The following KIF26A variants were observed in gnomAD, a reference collection of about 807,000 sequenced individuals.
KIF26A encodes the protein kinesin-like protein KIF26A.
A neutral mutation model predicts 126.0 loss-of-function variants in KIF26A; 74 were observed. The ratio of observed to expected loss-of-function variants is 0.59; its 90% CI spans 0.49 to 0.71. The LOEUF is 0.71. KIF26A is among the 30% of genes least tolerant of loss of function. The pLI, the probability that KIF26A is intolerant of heterozygous loss-of-function variation, is 0.00. For synonymous variants in KIF26A, 1,445 were observed against 1,232.7 expected (o/e 1.17, Z -3.61); for missense variants, 2,984 against 2,763.3 (o/e 1.08, Z -1.79).
chr14:104,175,550 G>T lies in KIF26A; in HGVS notation c.2762G>T (p.Gly921Val). The T allele has an allele frequency of 3.7e-6, 6 of 1,604,164 alleles. No individual in the cohort carries two copies. Among genetic ancestry groups the T allele is most frequent in the Non-Finnish European group, 4.2e-6 (5 of 1,179,106 alleles). ...GAGCCCTGCAAGGCCATTGTCTGGGGTGACCAGAGAGAGGACAGCAGCGCT... is the reference window on the plus strand; with the variant it reads ...GAGCCCTGCAAGGCCATTGTCTGGGTTGACCAGAGAGAGGACAGCAGCGCT... ...TPEPCKAIVWGDQREDSSAWP... is the reference protein window; with the variant it reads ...TPEPCKAIVWVDQREDSSAWP... Residue 921 changes from glycine (G) to valine (V), a missense_variant, in exon 12 of 15, where the codon GGT (glycine) becomes GTT (valine). Gly to Val is a moderately radical substitution (Grantham distance 109, BLOSUM62 -3). Coordinates refer to ENST00000423312, the MANE Select transcript of KIF26A (RefSeq NM_015656.2).
At position 104,175,743 on chromosome 14, in the gene KIF26A, T is replaced by G; in HGVS notation, c.2955T>G (p.Ser985Arg). The change falls in exon 12 of 15, where the codon AGT becomes AGG. Residue 985 changes from serine to arginine, a missense_variant. Physicochemically the swap from Ser to Arg is moderately radical, Grantham distance 110. Coordinates refer to ENST00000423312, the MANE Select transcript of KIF26A (RefSeq NM_015656.2). Reference protein sequence around the residue: ...GVARTPPVGMSGQVAGSPMLP... With the variant: ...GVARTPPVGMRGQVAGSPMLP... Reference sequence around the variant, plus strand: ...CACGGACCCCTCCCGTGGGCATGAGTGGGCAGGTGGCTGGGTCCCCGATGC... The same window carrying G: ...CACGGACCCCTCCCGTGGGCATGAGGGGGCAGGTGGCTGGGTCCCCGATGC... The G allele has an allele frequency of 1.3e-6, 2 of 1,550,124 alleles. No homozygotes were observed. The highest frequency in any genetic ancestry group is 1.7e-6 in the Non-Finnish European group (2 of 1,149,956).
At chr14:104,165,547 GTGTGTGTGTCTGTGTGTTTCTGTATGCA>G (rs1212767687) in intron 4 of KIF26A, among the ~76,000 whole-genome samples, 3 of 141,274 alleles carry the variant, frequency 2.1e-5, no homozygotes, top group Non-Finnish European at 3.1e-5. Context: ...GTCTATGCGT[GTGTGTGTGTCTGTGTGTTTCTGTATGCA>G]TGTGTGTGTC....
intron 4 of KIF26A, among the ~76,000 whole-genome samples, chr14:104,164,386 G>A (rs1308487589): frequency 6.6e-6 from 1 of 152,224 alleles, no homozygotes; most frequent in African/African-American, 2.4e-5. Flanking sequence ...CTCCTGTTGG[G>A]AGGTGGTGAC....
intron 4 of KIF26A, among the ~76,000 whole-genome samples, chr14:104,163,890 A>G (rs2141105633): frequency 6.6e-6 from 1 of 152,022 alleles, no homozygotes; most frequent in East Asian, 2.0e-4. Flanking sequence ...ACCTGGAACT[A>G]CCGGGGCTTC....
At chr14:104,143,347 G>C (rs966295954) in intron 2 of KIF26A, among the ~76,000 whole-genome samples, 3 of 152,226 alleles carry the variant, frequency 2.0e-5, no homozygotes, top group African/African-American at 7.2e-5. Flanking sequence ...ATGGTCTGAG[G>C]CTGGGAGCCC....
chr14:104,176,579 C>G lies in KIF26A; in HGVS notation c.3791C>G (p.Thr1264Arg). The change falls in exon 12 of 15, where the codon ACA becomes AGA. Residue 1264 changes from threonine (T) to arginine (R), a missense_variant. By Grantham distance (71) the Thr-to-Arg change is moderately conservative. Coordinates refer to ENST00000423312, the MANE Select transcript of KIF26A (RefSeq NM_015656.2). ...AASAGRAPSPTLGSPRLPEAQ... is the reference protein window; with the variant it reads ...AASAGRAPSPRLGSPRLPEAQ... Reference sequence around the variant, plus strand: ...TCTGCTGGCAGGGCCCCCAGCCCCACACTTGGCTCCCCCCGGCTGCCTGAG... The same window carrying G: ...TCTGCTGGCAGGGCCCCCAGCCCCAGACTTGGCTCCCCCCGGCTGCCTGAG... 2 of 1,608,086 alleles carry G rather than the reference C, an allele frequency of 1.2e-6. No individual in the cohort carries two copies. The highest frequency in any genetic ancestry group is 8.5e-7 in the Non-Finnish European group (1 of 1,179,678).
In KIF26A at chr14:104,167,443, C is replaced by A. The variant is rs536089444; in HGVS notation, c.1113+395C>A. Among the ~76,000 whole-genome samples the A allele has an allele frequency of 7.8e-4, 118 of 152,140 alleles. 1 individual carries two copies. Among genetic ancestry groups the A allele is most frequent in the African/African-American group, 2.7e-3 (114 of 41,524 alleles). ...GGGACTCTCTGCTCTCCAGAGTCAC[C>A]GTGTGCAGGCGGGCCCCTGCCATGG... On this transcript the variant is annotated intron_variant, in intron 5 of 14. Coordinates refer to ENST00000423312, the MANE Select transcript of KIF26A (RefSeq NM_015656.2).
rs529602818 is a variant in KIF26A at position 104,175,671 on chromosome 14, C to G, written c.2883C>G (p.Ala961=). The G allele has an allele frequency of 1.2e-6, 2 of 1,607,482 alleles. No individual in the cohort carries two copies. Among genetic ancestry groups the G allele is most frequent in the Admixed American group, 3.4e-5 (2 of 59,424 alleles). The change falls in exon 12 of 15, where the codon GCC becomes GCG. Residue 961 remains alanine (A), a synonymous_variant. Coordinates refer to ENST00000423312, the MANE Select transcript of KIF26A (RefSeq NM_015656.2). ...CCCCACCTCCTCAGTTGCTGGAAGC[C>G]TGCAGAGCCCCAGAAGAGCCTGGGG... The part of the protein sequence containing the change: ...PAPPPPQLLE[A]CRAPEEPGGG...
intron 12 of KIF26A, 35 bp from the exon 13 acceptor site, chr14:104,178,515 C>T (rs1219636669): frequency 7.1e-7 from 1 of 1,410,432 alleles, no homozygotes; most frequent in Non-Finnish European, 9.3e-7. Context: ...CTGGGCCCCG[C>T]CTCTGTTCAC....
At chr14:104,140,785 C>T (rs1284517350) in intron 2 of KIF26A, among the ~76,000 whole-genome samples, 1 of 152,190 alleles carries the variant, frequency 6.6e-6, no homozygotes, top group Admixed American at 6.5e-5. Context: ...GCCTTTGACA[C>T]TGGAAACTCC....
rs1566865814 is a variant in KIF26A, at chr14:104,176,193, CG to C, written c.3406del (p.Asp1136ThrfsTer112). 2 of 1,599,374 alleles carry C rather than the reference CG, an allele frequency of 1.3e-6. No homozygotes were observed. Among genetic ancestry groups the C allele is most frequent in the African/African-American group, 2.7e-5 (2 of 74,620 alleles). ...DPTPQPRFSPDSLAGLDPGGP... is the reference protein window; with the variant it reads ...DPTPQPRFSPXSLAGLDPGGP... The stretch of plus-strand genomic sequence containing the variant: ...CCACGCCGCAGCCCCGCTTCAGCCC[CG>C]ACTCGCTGGCAGGGCTTGACCCTGG... On this transcript the variant is annotated frameshift_variant, in exon 12 of 15. Transcript: ENST00000423312. LOFTEE classifies it high-confidence loss of function.
At chr14:104,178,084 G>A (rs2282376) in intron 12 of KIF26A, among the ~76,000 whole-genome samples, 186 bp downstream of exon 12, 43,120 of 152,192 alleles carry the variant, frequency 0.28, 6,984 homozygotes, top group East Asian at 0.38. Context: ...GGAGGTGCAC[G>A]GCCCTCTGCA....
intron 5 of KIF26A, among the ~76,000 whole-genome samples, chr14:104,170,708 C>T (rs79814670): frequency 0.044 from 6,769 of 152,312 alleles, 192 homozygotes; most frequent in Non-Finnish European, 0.064. Context: ...GGGTCAGAGC[C>T]GCCGCCTCCT....
At chr14:104,161,141 G>A (rs1041797119) in intron 4 of KIF26A, among the ~76,000 whole-genome samples, 22 of 152,360 alleles carry the variant, frequency 1.4e-4, no homozygotes, top group Admixed American at 1.4e-3. Flanking sequence ...GTGGACCACA[G>A]CAGGGCTGGG....
chr14:104,173,444 C>T lies in KIF26A; in HGVS notation c.1798C>T (p.Arg600Cys), dbSNP rs1194085862. 45 of 1,587,262 alleles carry T rather than the reference C, an allele frequency of 2.8e-5. No individual in the cohort carries two copies. Among genetic ancestry groups the T allele is most frequent in the Admixed American group, 5.3e-5 (3 of 56,790 alleles). The change falls in exon 9 of 15, where the codon CGC becomes TGC. Residue 600 changes from arginine to cysteine, a missense_variant. Transcript: ENST00000423312. ...SRAGCGEDARRSSHMLFTLHV... is the reference protein window; with the variant it reads ...SRAGCGEDARCSSHMLFTLHV... ...AGCGGGCTGTGGCGAGGACGCCCGACGCAGCTCCCACATGTTGTTCACGCT... is the reference window on the plus strand; with the variant it reads ...AGCGGGCTGTGGCGAGGACGCCCGATGCAGCTCCCACATGTTGTTCACGCT...
chr14:104,144,378 G>A (rs910046888), intron 2 of KIF26A, among the ~76,000 whole-genome samples: 5 of 152,166 alleles, frequency 3.3e-5, no homozygotes, highest in African/African-American at 1.2e-4. Context: ...ATGGGATTGT[G>A]GCCGCTGGCC....
At position 104,179,255 on chromosome 14, in the gene KIF26A, C is replaced by G. The variant is rs957288029; in HGVS notation, c.5336C>G (p.Thr1779Arg). Residue 1779 changes from threonine (T) to arginine (R), a missense_variant, in exon 14 of 15, where the codon ACA becomes AGA. Physicochemically the swap from Thr to Arg is moderately conservative, Grantham distance 71 (BLOSUM62 -1). Coordinates refer to ENST00000423312, the MANE Select transcript of KIF26A (RefSeq NM_015656.2). ...TCCCAGGGTCTGGCGTGCGTCAGTA[C>G]AAGGCTGCGGCTGGCGGAGCGCAGG... The part of the protein sequence containing the change: ...APTQGLACVS[T>R]RLRLAERRQQ... 1.3e-6 allele frequency: 2 copies of G among 1,521,840 alleles called. No homozygotes were observed. Among genetic ancestry groups the G allele is most frequent in the Non-Finnish European group, 1.8e-6 (2 of 1,139,492 alleles). The allele number at this position is 1,521,840 out of a possible 1,614,324, so 94.3% of individuals were successfully genotyped here.
At chr14:104,159,841 CTG>C (rs890015992) in intron 4 of KIF26A, among the ~76,000 whole-genome samples, 9 of 151,938 alleles carry the variant, frequency 5.9e-5, no homozygotes, top group Non-Finnish European at 1.2e-4. Context: ...GTGACCTCCT[CTG>C]TGGGGCTGCA....
intron 4 of KIF26A, among the ~76,000 whole-genome samples, chr14:104,163,610 G>C (rs1046116077): frequency 1.3e-5 from 2 of 150,816 alleles, no homozygotes; most frequent in African/African-American, 2.4e-5. Flanking sequence ...CCCCTTGCAG[G>C]CCTCCCTGCC....
Sources: gnomAD v4.1 joint callset for allele counts (sites outside exome capture counted in the v4.1 genomes callset) on GRCh38, gnomAD v4.1.1 for gene constraint, MANE v1.5 for transcripts, NCBI Gene and HGNC (gene_info 2026-07-23, HGNC 2026-07-21) for gene names.